The following CLGN variants were observed in gnomAD, a reference collection of about 807,000 sequenced individuals.
The protein encoded by CLGN is calmegin.
Under a neutral mutation model 79.1 loss-of-function variants are expected in CLGN, and 62 were observed. The observed-to-expected ratio is 0.78, with a 90% CI of 0.64 to 0.97. The LOEUF is 0.97. Ranked by LOEUF, CLGN falls within the 50% of genes least tolerant of loss-of-function variation. The pLI is 0.00. For missense variants in CLGN, 647 were observed against 715.5 expected (o/e 0.90, Z 1.09); for synonymous variants, 225 against 224.7 (o/e 1.00, Z -0.01).
At position 140,419,631 on chromosome 4, in the gene CLGN, A is replaced by T. The variant is rs575365211; in HGVS notation, c.-9-6544T>A. The stretch of plus-strand genomic sequence containing the variant: ...AGCACATTCAAAAGATCAAACAAAT[A>T]TAGGGCTTATTGTAATCAGGTAGAC... On this transcript the variant is annotated intron_variant, in intron 1 of 14. Coordinates refer to ENST00000325617, the MANE Select transcript of CLGN (RefSeq NM_004362.3). 2.6e-5 allele frequency among the ~76,000 whole-genome samples: 4 copies of T among 152,286 alleles called. No individual in the cohort carries two copies. The South Asian group carries it at 8.3e-4, about 32-fold the overall frequency.
At chr4:140,409,052 G>T (rs1303051255) in intron 4 of CLGN, among the ~76,000 whole-genome samples, 1 of 151,876 alleles carries the variant, frequency 6.6e-6, no homozygotes, top group Non-Finnish European at 1.5e-5. Context: ...CAGAAACTAT[G>T]AAAAGGAAGC....
intron 1 of CLGN, among the ~76,000 whole-genome samples, chr4:140,426,322 A>G (rs1578612546): frequency 6.6e-6 from 1 of 152,270 alleles, no homozygotes; most frequent in African/African-American, 2.4e-5. Context: ...TTAGGTACTT[A>G]AAAAGTACTA....
Position 140,389,003 on chromosome 4 carries a change from G to A in CLGN, c.*221C>T, listed in dbSNP as rs1475379574. 8 of 516,524 alleles carry A rather than the reference G, an allele frequency of 1.5e-5. No individual in the cohort carries two copies. The highest frequency in any genetic ancestry group is 6.6e-5 in the Admixed American group (2 of 30,286). 32.0% of individuals were successfully genotyped at this position (516,524 alleles called of 1,614,324 possible). Reference sequence around the variant, plus strand: ...CTAATGGTATTAATCTCTTAGATCCGATATGTAATGTGCCACTTTTATTCT... The same window carrying A: ...CTAATGGTATTAATCTCTTAGATCCAATATGTAATGTGCCACTTTTATTCT... On this transcript the variant is annotated 3_prime_UTR_variant, in exon 15 of 15. Transcript: ENST00000325617.
intron 8 of CLGN, among the ~76,000 whole-genome samples, chr4:140,396,902 T>TAC (rs1728896708): frequency 6.2e-5 from 4 of 64,424 alleles, no homozygotes; most frequent in South Asian, 4.2e-4. Context: ...TATATATATA[T>TAC]ATATGTATAT....
intron 1 of CLGN, among the ~76,000 whole-genome samples, chr4:140,425,429 GGT>G (rs754897067): frequency 0.021 from 2,464 of 116,820 alleles, 39 homozygotes; most frequent in South Asian, 0.033. Flanking sequence ...GAATCAATAG[GGT>G]GTGTGTGTGT....
chr4:140,399,535 A>T (rs1026346487), intron 7 of CLGN, among the ~76,000 whole-genome samples: 2 of 152,194 alleles, frequency 1.3e-5, no homozygotes, highest in Admixed American at 1.3e-4. Flanking sequence ...ATCACATCTG[A>T]TATTGAAGAT....
chr4:140,424,097 G>A (rs1250066871), intron 1 of CLGN, among the ~76,000 whole-genome samples: 1 of 151,852 alleles, frequency 6.6e-6, no homozygotes, highest in African/African-American at 2.4e-5. Context: ...GTTCCTCAAG[G>A]TGTAAGTTAG....
At chr4:140,422,150 A>G (rs894358035) in intron 1 of CLGN, among the ~76,000 whole-genome samples, 19 of 152,290 alleles carry the variant, frequency 1.2e-4, no homozygotes, top group African/African-American at 4.6e-4. Flanking sequence ...GTCTGTCTTT[A>G]TGCCAGTCTC....
At chr4:140,406,825 C>T (rs535977351) in intron 4 of CLGN, among the ~76,000 whole-genome samples, 3 of 152,288 alleles carry the variant, frequency 2.0e-5, no homozygotes, top group African/African-American at 7.2e-5. Flanking sequence ...AGACTTTACT[C>T]CTTTACTGGT....
intron 4 of CLGN, among the ~76,000 whole-genome samples, chr4:140,408,545 T>C (rs1186349006): frequency 2.0e-5 from 3 of 151,984 alleles, no homozygotes; most frequent in East Asian, 1.9e-4. Flanking sequence ...AAAGAAGATA[T>C]AGAAATGGCC....
rs548452307 is a variant in CLGN, at chr4:140,392,637, T to G, written c.1440A>C (p.Ala480=). The change falls in exon 12 of 15, where the codon GCA becomes GCC. Residue 480 remains alanine, a synonymous_variant. Coordinates refer to ENST00000325617, the MANE Select transcript of CLGN (RefSeq NM_004362.3). The part of the protein sequence containing the change: ...PWLWLIYLVT[A]GVPIALITSF... Reference sequence around the variant, plus strand: ...AAGTAATTAATGCTATTGGCACTCCTGCTGTCACAAGATAAATCAACCAAA... The same window carrying G: ...AAGTAATTAATGCTATTGGCACTCCGGCTGTCACAAGATAAATCAACCAAA... 4 of 1,611,420 alleles carry G rather than the reference T, an allele frequency of 2.5e-6. No individual in the cohort carries two copies. In the South Asian group the frequency reaches 4.4e-5, roughly 18 times the overall value.
At chr4:140,412,868 C>T (rs1251122127) in intron 2 of CLGN, 67 bp downstream of exon 2, 2 of 1,321,640 alleles carry the variant, frequency 1.5e-6, no homozygotes, top group Non-Finnish European at 2.1e-6. Flanking sequence ...AATGAATCAC[C>T]AGAGGTCAAT....
At chr4:140,397,629 G>T (rs1481584608) in intron 8 of CLGN, among the ~76,000 whole-genome samples, 2 of 152,150 alleles carry the variant, frequency 1.3e-5, no homozygotes, top group African/African-American at 4.8e-5. Context: ...CACTTAGGCT[G>T]GCGTGGTGGC....
At chr4:140,413,186 A>G (rs1729247186) in intron 1 of CLGN, 99 bp from the exon 2 acceptor site, 7 of 862,376 alleles carry the variant, frequency 8.1e-6, no homozygotes, top group Non-Finnish European at 1.3e-5. Flanking sequence ...TAGCTCCTTT[A>G]TTCTAGGATG....
intron 8 of CLGN, among the ~76,000 whole-genome samples, chr4:140,396,911 A>G (rs988229789): frequency 1.5e-5 from 2 of 131,130 alleles, no homozygotes; most frequent in African/African-American, 3.1e-5. Context: ...ATATATGTAT[A>G]TATATATATA....
At chr4:140,419,965 T>A (rs1729432387) in intron 1 of CLGN, among the ~76,000 whole-genome samples, 1 of 152,204 alleles carries the variant, frequency 6.6e-6, no homozygotes, top group African/African-American at 2.4e-5. Context: ...CCTTCCATGT[T>A]ACATAGTAAA....
rs370499427 is a variant in CLGN at position 140,400,566 on chromosome 4, G to A, written c.502-17C>T. On this transcript the variant is annotated splice_polypyrimidine_tract_variant and intron_variant, in intron 6 of 14. Coordinates refer to ENST00000325617, the MANE Select transcript of CLGN (RefSeq NM_004362.3). ...AAAGTTTTCCTTCAAAGAGAGATGA[G>A]TGTTGGCATTAGTCCAGAATCACAG... The A allele has an allele frequency of 1.3e-6, 2 of 1,516,364 alleles. No individual in the cohort carries two copies. Among genetic ancestry groups the A allele is most frequent in the Non-Finnish European group, 1.8e-6 (2 of 1,106,030 alleles). 93.9% of individuals were successfully genotyped at this position (1,516,364 alleles called of 1,614,324 possible).
intron 1 of CLGN, chr4:140,426,832 C>T (rs780630961): frequency 5.3e-5 from 8 of 152,240 alleles, no homozygotes; most frequent in Non-Finnish European, 1.2e-4. Flanking sequence ...GGTAAACAGG[C>T]CTGGGGCGAT....
intron 5 of CLGN, among the ~76,000 whole-genome samples, chr4:140,402,763 C>T (rs1247279679): frequency 6.6e-6 from 1 of 151,854 alleles, no homozygotes; most frequent in African/African-American, 2.4e-5. Flanking sequence ...CTTGCTATGG[C>T]AATGAGGCAT....
Sources: allele counts gnomAD v4.1 joint callset (sites outside exome capture counted in the v4.1 genomes callset), GRCh38; gene constraint gnomAD v4.1.1; transcripts MANE v1.5; gene names NCBI Gene and HGNC (gene_info 2026-07-23, HGNC 2026-07-21).